The following DDX60 variants were observed in gnomAD, a reference collection of about 807,000 sequenced individuals.
DDX60 encodes the protein probable ATP-dependent RNA helicase DDX60.
Under a neutral mutation model 212.8 loss-of-function variants are expected in DDX60, and 165 were observed. That is an observed-to-expected ratio of 0.78 (90% CI 0.68 to 0.88). The LOEUF is 0.88. Among genes scored for constraint, DDX60 ranks in the 40% least tolerant of loss-of-function variants. The pLI is 0.00. For missense variants in DDX60, 1,905 were observed against 2,003.9 expected, an observed-to-expected ratio of 0.95 and a Z score of 0.94; for synonymous variants, 703 against 685.3, an observed-to-expected ratio of 1.03 and a Z score of -0.40.
At chr4:168,314,535 A>G (rs756990653) in intron 1 of DDX60, among the ~76,000 whole-genome samples, 8 of 152,232 alleles carry the variant, frequency 5.3e-5, no homozygotes, top group Non-Finnish European at 7.3e-5. Context: ...GCATGCAAGT[A>G]TTCGTACACA....
At chr4:168,235,600 T>G (rs116758634) in intron 33 of DDX60, among the ~76,000 whole-genome samples, 1 of 152,238 alleles carries the variant, frequency 6.6e-6, no homozygotes, top group Non-Finnish European at 1.5e-5. Flanking sequence ...AAATATATAC[T>G]AATTCTTTTT....
intron 30 of DDX60, among the ~76,000 whole-genome samples, chr4:168,240,199 C>T (rs1335852625): frequency 6.6e-6 from 1 of 152,092 alleles, no homozygotes; most frequent in African/African-American, 2.4e-5. Context: ...AGAGCCAAAT[C>T]ACAAATGAAC....
Position 168,230,609 on chromosome 4 carries a change from G to C in DDX60, c.4534-4933C>G, listed in dbSNP as rs373493393. 7.2e-5 allele frequency among the ~76,000 whole-genome samples: 11 copies of C among 152,158 alleles called. No homozygotes were observed. The East Asian group carries it at 1.5e-3, about 21-fold the overall frequency. On this transcript the variant is annotated intron_variant, in intron 33 of 37. Transcript: ENST00000393743. ...GATTATTGGGTCAACAATGAAATCA[G>C]GATAGAAACTTAAAAAGTCTTTGAA...
intron 33 of DDX60, among the ~76,000 whole-genome samples, chr4:168,235,302 G>T (rs1339623532): frequency 1.3e-5 from 2 of 151,862 alleles, no homozygotes; most frequent in African/African-American, 4.8e-5. Flanking sequence ...CACCATGTCT[G>T]GCCTATTTTT....
chr4:168,251,205 A>G, intron 27 of DDX60, 99 bp from the exon 28 acceptor site: 1 of 1,154,720 alleles, frequency 8.7e-7, no homozygotes, highest in Non-Finnish European at 1.2e-6. Flanking sequence ...TAATTTGGCT[A>G]AACAGGCAAC....
At chr4:168,303,289 G>A (rs1307929972) in intron 5 of DDX60, among the ~76,000 whole-genome samples, 3 of 142,404 alleles carry the variant, frequency 2.1e-5, no homozygotes, top group Non-Finnish European at 3.0e-5. Flanking sequence ...GCGACAGAGC[G>A]AGACTCTGTC....
chr4:168,255,543 T>C (rs905286345), intron 26 of DDX60, among the ~76,000 whole-genome samples, 168 bp downstream of exon 26: 5 of 152,198 alleles, frequency 3.3e-5, no homozygotes, highest in Admixed American at 2.6e-4. Context: ...TGTACAATTA[T>C]GGTCACTCAT....
At chr4:168,255,579 G>T in intron 26 of DDX60, 132 bp downstream of exon 26, 1 of 697,928 alleles carries the variant, frequency 1.4e-6, no homozygotes. Context: ...TCACCCAAAT[G>T]TACTCAATTT....
intron 1 of DDX60, among the ~76,000 whole-genome samples, chr4:168,315,591 G>A (rs944246865): frequency 2.0e-5 from 3 of 151,952 alleles, no homozygotes. Flanking sequence ...CCAACCCTCC[G>A]ACAAGCCCCA....
chr4:168,252,423 A>G (rs1734253745), intron 27 of DDX60, 86 bp downstream of exon 27: 1 of 1,480,568 alleles, frequency 6.8e-7, no homozygotes, highest in Non-Finnish European at 9.3e-7. Flanking sequence ...TATTATGCAT[A>G]TATCTTATTA....
At chr4:168,306,846 G>T in intron 4 of DDX60, 126 bp from the exon 5 acceptor site, 1 of 699,994 alleles carries the variant, frequency 1.4e-6, no homozygotes, top group Non-Finnish European at 2.4e-6. Flanking sequence ...GATGGTCGGG[G>T]AATAGACCCC....
At chr4:168,281,436 T>C (rs985129113) in intron 13 of DDX60, among the ~76,000 whole-genome samples, 4 of 152,336 alleles carry the variant, frequency 2.6e-5, no homozygotes, top group Admixed American at 6.5e-5. Flanking sequence ...CCTCTCTTGA[T>C]TGAGATCCTT....
Position 168,306,598 on chromosome 4 carries a change from T to A in DDX60, c.387A>T (p.Lys129Asn). 6.2e-7 allele frequency: 1 copy of A among 1,614,200 alleles called. No homozygotes were observed. The highest frequency in any genetic ancestry group is 8.5e-7 in the Non-Finnish European group (1 of 1,180,020). The change falls in exon 5 of 38, where the codon AAA becomes AAT. Residue 129 changes from lysine to asparagine, a missense_variant. Transcript: ENST00000393743. ...VRTTFSRCLS[K>N]EWGSFLEESY... ...TCTCTTCCAAGAAACTTCCCCACTCTTTTGATAAGCATCTCGAAAATGTTG... is the reference window on the plus strand; with the variant it reads ...TCTCTTCCAAGAAACTTCCCCACTCATTTGATAAGCATCTCGAAAATGTTG...
At chr4:168,249,698 A>G (rs774756247) in intron 28 of DDX60, among the ~76,000 whole-genome samples, 13 of 152,174 alleles carry the variant, frequency 8.5e-5, no homozygotes, top group Non-Finnish European at 1.5e-4. Context: ...TCTCTCTTCT[A>G]TCAATTCATA....
At chr4:168,295,511 G>A (rs895497210) in intron 6 of DDX60, among the ~76,000 whole-genome samples, 6 of 152,136 alleles carry the variant, frequency 3.9e-5, no homozygotes, top group African/African-American at 1.2e-4. Context: ...CCTCACTTCC[G>A]ATTCCTGTAT....
At chr4:168,238,450 AAGGGAAGGG>A in intron 30 of DDX60, among the ~76,000 whole-genome samples, 2 of 110,196 alleles carry the variant, frequency 1.8e-5, no homozygotes, top group Non-Finnish European at 3.8e-5. Flanking sequence ...AAGGGAAGGG[AAGGGAAGGG>A]AAGGGAAGGG....
intron 14 of DDX60, among the ~76,000 whole-genome samples, chr4:168,278,302 G>C (rs1338170265): frequency 6.6e-6 from 1 of 152,140 alleles, no homozygotes; most frequent in Non-Finnish European, 1.5e-5. Flanking sequence ...ACCTCAAATG[G>C]CAAAAGTTTT....
At chr4:168,308,891 C>T (rs969181338) in intron 3 of DDX60, among the ~76,000 whole-genome samples, 16 of 151,886 alleles carry the variant, frequency 1.1e-4, no homozygotes, top group Admixed American at 7.9e-4. Flanking sequence ...ACCTATGTCA[C>T]GAATGCATAA....
At position 168,224,325 on chromosome 4, in the gene DDX60, T is replaced by A; in HGVS notation, c.4742A>T (p.Glu1581Val). 10 of 1,612,240 alleles carry A rather than the reference T, an allele frequency of 6.2e-6. No homozygotes were observed. Among genetic ancestry groups the A allele is most frequent in the Non-Finnish European group, 8.5e-6 (10 of 1,178,764 alleles). Reference sequence around the variant, plus strand: ...AAATGGTGAAATTGCTACTCTTCCTTCCTTGCAGCTCATCAAATGAGATAC... The same window carrying A: ...AAATGGTGAAATTGCTACTCTTCCTACCTTGCAGCTCATCAAATGAGATAC... ...QLVSHLMSCK[E>V]GRVAISPFVC... The change falls in exon 35 of 38, where the codon GAA (glutamate) becomes GTA (valine). Residue 1581 changes from glutamate to valine, a missense_variant. Coordinates refer to ENST00000393743, the MANE Select transcript of DDX60 (RefSeq NM_017631.6).
Sources: allele counts gnomAD v4.1 joint callset (sites outside exome capture counted in the v4.1 genomes callset), GRCh38; gene constraint gnomAD v4.1.1; transcripts MANE v1.5; gene names NCBI Gene and HGNC (gene_info 2026-07-23, HGNC 2026-07-21).